Variants in ADCY1 observed in about 807,000 individuals in gnomAD.
ADCY1 encodes adenylate cyclase type 1.
A neutral mutation model predicts 105.4 loss-of-function variants in ADCY1; 28 were observed. The ratio of observed to expected loss-of-function variants is 0.27; its 90% CI spans 0.20 to 0.36. The LOEUF (loss-of-function observed/expected upper bound fraction) is 0.36. Among genes scored for constraint, ADCY1 ranks in the 10% least tolerant of loss-of-function variants. ADCY1 has a pLI of 1.00. For synonymous variants in ADCY1, 655 were observed against 623.8 expected, an observed-to-expected ratio of 1.05 and a Z score of -0.75; for missense variants, 977 against 1,434.2, an observed-to-expected ratio of 0.68 and a Z score of 5.15.
chr7:45,712,735 A>G (rs1165837340), intron 19 of ADCY1, among the ~76,000 whole-genome samples: 1 of 152,200 alleles, frequency 6.6e-6, no homozygotes, highest in East Asian at 1.9e-4. Context: ...ATAGGGAGGA[A>G]GAGAGGAAGT....
chr7:45,589,732 C>G (rs947762569), intron 1 of ADCY1, among the ~76,000 whole-genome samples: 2 of 152,008 alleles, frequency 1.3e-5, no homozygotes, highest in African/African-American at 4.8e-5. Flanking sequence ...CAGATGACAC[C>G]CAGCCCTACT....
intron 4 of ADCY1, among the ~76,000 whole-genome samples, chr7:45,632,336 C>A (rs1054778381): frequency 6.6e-6 from 1 of 152,110 alleles, no homozygotes; most frequent in Non-Finnish European, 1.5e-5. Context: ...ATTTTAGAAT[C>A]AATTTGTCAG....
chr7:45,687,402 G>A (rs1315725533), intron 14 of ADCY1, among the ~76,000 whole-genome samples: 17 of 152,206 alleles, frequency 1.1e-4, no homozygotes, highest in Admixed American at 1.1e-3. Flanking sequence ...CAGGGGCCAA[G>A]GCAGCGTGTG....
intron 4 of ADCY1, among the ~76,000 whole-genome samples, chr7:45,629,756 T>C (rs987847139): frequency 2.0e-5 from 3 of 152,048 alleles, no homozygotes; most frequent in Admixed American, 6.6e-5. Flanking sequence ...CCTGACCTCA[T>C]GATCCACCCG....
intron 1 of ADCY1, among the ~76,000 whole-genome samples, chr7:45,588,164 T>C (rs1342311857): frequency 6.6e-6 from 1 of 152,234 alleles, no homozygotes; most frequent in Non-Finnish European, 1.5e-5. Flanking sequence ...GTTGCTCAAA[T>C]TGTTCCAACT....
At chr7:45,642,700 G>T (rs986075700) in intron 4 of ADCY1, among the ~76,000 whole-genome samples, 2 of 152,136 alleles carry the variant, frequency 1.3e-5, no homozygotes, top group African/African-American at 4.8e-5. Flanking sequence ...CTTCTTGCCA[G>T]GTTGAGGTTG....
rs559596238 is a variant in ADCY1 at position 45,721,478 on chromosome 7, C to T, written c.*7483C>T. The T allele has an allele frequency of 2.5e-6, 1 of 393,976 alleles. No homozygotes were observed. Among genetic ancestry groups the T allele is most frequent in the African/African-American group, 2.1e-5 (1 of 48,668 alleles). The allele number at this position is 393,976 out of a possible 1,614,324, so 24.4% of individuals were successfully genotyped here. A position where few individuals can be genotyped will look rare whatever the true frequency, so the allele number is the denominator to read the frequency against. ...TGCCTTATTTTTTTGTAAAGCCTCT[C>T]TGACATCAAATGGGGAGAAATGGTG... On this transcript the variant is annotated 3_prime_UTR_variant, in exon 20 of 20. Coordinates refer to ENST00000297323, the MANE Select transcript of ADCY1 (RefSeq NM_021116.4).
At chr7:45,680,368 G>A (rs139062805) in intron 11 of ADCY1, 147 of 169,308 alleles carry the variant, frequency 8.7e-4, no homozygotes, top group African/African-American at 3.4e-3. Context: ...CAGGAAAGAC[G>A]TGAGCTTTGC....
chr7:45,664,326 T>C, intron 8 of ADCY1: 1 of 1,536,176 alleles, frequency 6.5e-7, no homozygotes, highest in Non-Finnish European at 8.7e-7. Context: ...CTGGATGTCC[T>C]CCTGGGGTTT....
intron 2 of ADCY1, among the ~76,000 whole-genome samples, chr7:45,601,072 A>G (rs940642600): frequency 6.6e-6 from 1 of 152,204 alleles, no homozygotes; most frequent in Non-Finnish European, 1.5e-5. Flanking sequence ...ATTTAAAAAT[A>G]AGGAGATGCT....
intron 4 of ADCY1, among the ~76,000 whole-genome samples, chr7:45,625,501 G>A (rs1794028873): frequency 6.6e-6 from 1 of 152,118 alleles, no homozygotes; most frequent in African/African-American, 2.4e-5. Flanking sequence ...GTGTACACAT[G>A]AATGTGTGAA....
At chr7:45,667,967 C>T (rs932865607) in intron 8 of ADCY1, among the ~76,000 whole-genome samples, 18 of 152,114 alleles carry the variant, frequency 1.2e-4, no homozygotes, top group Admixed American at 6.6e-4. Flanking sequence ...GTGATTTTTG[C>T]ACATTGATTT....
intron 14 of ADCY1, among the ~76,000 whole-genome samples, chr7:45,690,016 G>A (rs948949119): frequency 1.3e-5 from 2 of 152,214 alleles, no homozygotes; most frequent in African/African-American, 2.4e-5. Flanking sequence ...GATAGGACCC[G>A]ATCCCTGTCT....
chr7:45,696,404 A>ACT (rs1311366522), intron 14 of ADCY1, among the ~76,000 whole-genome samples: 3 of 129,586 alleles, frequency 2.3e-5, no homozygotes, highest in African/African-American at 9.0e-5. Flanking sequence ...ACCCCACTGC[A>ACT]CTCCAGCCTG....
At chr7:45,677,765 C>A in intron 8 of ADCY1, 104 bp from the exon 9 acceptor site, 2 of 1,291,962 alleles carry the variant, frequency 1.5e-6, no homozygotes, top group Non-Finnish European at 2.2e-6. Context: ...ATTCCCAAAC[C>A]CGACCCCACC....
At chr7:45,629,502 T>C (rs1241518189) in intron 4 of ADCY1, among the ~76,000 whole-genome samples, 1 of 150,914 alleles carries the variant, frequency 6.6e-6, no homozygotes, top group Non-Finnish European at 1.5e-5. Flanking sequence ...GGCAGATGTA[T>C]GCTTAACTTT....
At position 45,703,095 on chromosome 7, in the gene ADCY1, G is replaced by T. The variant is rs368425035; in HGVS notation, c.2455-281G>T. 5.9e-5 allele frequency among the ~76,000 whole-genome samples: 9 copies of T among 152,230 alleles called. No homozygotes were observed. In the East Asian group the frequency reaches 9.6e-4, roughly 16 times the overall value. Reference sequence around the variant, plus strand: ...TGCTGTAGCATCTGGTCCCTAAGGGGTGGCGGAGGGCAGGGCGGACCCTGG... The same window carrying T: ...TGCTGTAGCATCTGGTCCCTAAGGGTTGGCGGAGGGCAGGGCGGACCCTGG... On this transcript the variant is annotated intron_variant, in intron 14 of 19. Transcript: ENST00000297323. The surrounding 1 kb of genome is among the most constrained non-coding windows in gnomAD (Gnocchi z 5.9).
At chr7:45,622,121 C>T (rs1209355114) in intron 3 of ADCY1, among the ~76,000 whole-genome samples, 2 of 152,134 alleles carry the variant, frequency 1.3e-5, no homozygotes, top group Non-Finnish European at 2.9e-5. Context: ...GGGGGCGGCC[C>T]CTTTGCCCAG....
chr7:45,590,746 G>A (rs767340744), intron 1 of ADCY1, among the ~76,000 whole-genome samples: 1 of 152,122 alleles, frequency 6.6e-6, no homozygotes, highest in East Asian at 1.9e-4. Context: ...GTCTGGGAGA[G>A]ACCATCCTAT....
Sources: gnomAD v4.1 joint callset for allele counts (sites outside exome capture counted in the v4.1 genomes callset) on GRCh38, gnomAD v4.1.1 for gene constraint, Gnocchi (gnomAD v3.1) non-coding constraint, MANE v1.5 for transcripts, NCBI Gene and HGNC (gene_info 2026-07-23, HGNC 2026-07-21) for gene names.